WRN: variants seen among roughly 807,000 people sequenced by gnomAD.
The protein encoded by WRN is WRN RecQ like helicase, also known as bifunctional 3'-5' exonuclease/ATP-dependent helicase WRN.
WRN carries 149 observed loss-of-function variants against 180.7 expected under a neutral mutation model. The observed-to-expected ratio is 0.82, with a 90% CI of 0.72 to 0.94. The LOEUF is 0.94. Ranked by LOEUF, WRN falls within the 40% of genes least tolerant of loss-of-function variation. The pLI, the probability that WRN is intolerant of heterozygous loss-of-function variation, is 0.00. For missense variants in WRN, 1,661 were observed against 1,700.1 expected (o/e 0.98, Z 0.40); for synonymous variants, 548 against 568.9 (o/e 0.96, Z 0.52).
intron 7 of WRN, among the ~76,000 whole-genome samples, chr8:31,069,479 T>C (rs1812828437): frequency 6.6e-6 from 1 of 152,126 alleles, no homozygotes; most frequent in African/African-American, 2.4e-5. Context: ...AAAAAAAAAT[T>C]CACAGTTTTA....
rs11574414 is a variant in WRN, at chr8:31,173,645, C to G, written c.*543C>G. 1.4e-3 allele frequency: 231 copies of G among 169,562 alleles called. 2 individuals are homozygous for G. The highest frequency in any genetic ancestry group is 2.3e-3 in the Admixed American group (36 of 15,692). The allele number at this position is 169,562 out of a possible 1,614,324, so 10.5% of individuals were successfully genotyped here. On this transcript the variant is annotated 3_prime_UTR_variant, in exon 35 of 35. Transcript: ENST00000298139. Reference sequence around the variant, plus strand: ...TGGGTGCCATTAAATAGGGAAAAAACATGTAAAAAATGTAAAATGGAGACC... The same window carrying G: ...TGGGTGCCATTAAATAGGGAAAAAAGATGTAAAAAATGTAAAATGGAGACC...
intron 33 of WRN, among the ~76,000 whole-genome samples, chr8:31,159,325 TA>T (rs1450312920): frequency 1.3e-5 from 2 of 149,180 alleles, no homozygotes; most frequent in Non-Finnish European, 3.0e-5. Flanking sequence ...AAAAAAAAAG[TA>T]ACAGTAGACG....
intron 18 of WRN, among the ~76,000 whole-genome samples, chr8:31,106,408 T>C (rs1040915400): frequency 6.6e-6 from 1 of 152,158 alleles, no homozygotes; most frequent in Non-Finnish European, 1.5e-5. Context: ...AAAGTCCTTA[T>C]GATGAGTTAC....
chr8:31,088,851 T>C (rs1452524448), intron 12 of WRN, 39 bp from the exon 13 acceptor site: 10 of 1,555,310 alleles, frequency 6.4e-6, no homozygotes, highest in Non-Finnish European at 8.8e-6. Context: ...GTGGTGTTTT[T>C]CTACTTGAAC....
rs587778750 is a variant in WRN at position 31,147,410 on chromosome 8, A to G, written c.3506A>G (p.Asn1169Ser). 1 of 1,614,136 alleles carries G rather than the reference A, an allele frequency of 6.2e-7. No homozygotes were observed. Among genetic ancestry groups the G allele is most frequent in the Non-Finnish European group, 8.5e-7 (1 of 1,180,000 alleles). ...KLVEARQKHA[N>S]KMDVPPAILA... ...GTAGAAGCTAGGCAGAAACATGCCA[A>G]TAAAATGGATGTTCCCCCAGCTATT... The change falls in exon 30 of 35, where the codon AAT (asparagine) becomes AGT (serine). Residue 1169 changes from asparagine to serine, a missense_variant. By Grantham distance (46) the Asn-to-Ser change is conservative (BLOSUM62 1). Around this residue, in one of 3 missense-constraint regions of WRN, gnomAD observed 1,141 missense variants for 1,149.4 expected, o/e 0.99. Coordinates refer to ENST00000298139, the MANE Select transcript of WRN (RefSeq NM_000553.6).
In WRN at chr8:31,058,608, T is replaced by G; in HGVS notation, c.96+65T>G. ...AATTTATATTTGACTGTGCAAAGAGTCAGTTGTTACTTGTAAACTTCAAGT... is the reference window on the plus strand; with the variant it reads ...AATTTATATTTGACTGTGCAAAGAGGCAGTTGTTACTTGTAAACTTCAAGT... On this transcript the variant is annotated intron_variant, in intron 2 of 34. Coordinates refer to ENST00000298139, the MANE Select transcript of WRN (RefSeq NM_000553.6). 3 of 1,519,252 alleles carry G rather than the reference T, an allele frequency of 2.0e-6. No homozygotes were observed. The South Asian group carries it at 3.5e-5, about 18-fold the overall frequency. The allele number at this position is 1,519,252 out of a possible 1,614,324, so 94.1% of individuals were successfully genotyped here.
chr8:31,099,546 G>GT (rs1228091730), intron 17 of WRN, among the ~76,000 whole-genome samples: 27 of 143,314 alleles, frequency 1.9e-4, no homozygotes, highest in African/African-American at 2.8e-4. Flanking sequence ...TGTTTAGTAG[G>GT]TTTTTTTTTT....
At chr8:31,067,872 C>T (rs11574208) in intron 6 of WRN, among the ~76,000 whole-genome samples, 6,406 of 152,186 alleles carry the variant, frequency 0.042, 167 homozygotes, top group South Asian at 0.079. Context: ...AAACAATTCA[C>T]TTTTGTTAGG....
chr8:31,067,114 C>G lies in WRN; in HGVS notation c.586C>G (p.Arg196Gly). The change falls in exon 6 of 35, where the codon CGC becomes GGC. Residue 196 changes from arginine (R) to glycine (G), a missense_variant. Physicochemically the swap from Arg to Gly is moderately radical, Grantham distance 125 (BLOSUM62 -2). Around this residue, in one of 3 missense-constraint regions of WRN, gnomAD observed 500 missense variants for 504.1 expected, o/e 0.99. Transcript: ENST00000298139. The part of the protein sequence containing the change: ...GKQLLKDKSI[R>G]CSNWSKFPLT... ...ACAGCTCCTGAAAGACAAGTCTATC[C>G]GCTGTAGCAATTGGAGTAAATTTCC... 2 of 1,613,876 alleles carry G rather than the reference C, an allele frequency of 1.2e-6. No individual in the cohort carries two copies. Among genetic ancestry groups the G allele is most frequent in the Non-Finnish European group, 1.7e-6 (2 of 1,179,938 alleles).
In WRN at chr8:31,065,001, C is replaced by T. The variant is rs767673195; in HGVS notation, c.442C>T (p.Leu148=). ...VGIEGDQWKL[L]RDFDIKLKNF... ...AATTGAAGGAGATCAGTGGAAACTT[C>T]TACGTGACTTTGATATCAAATTGAA... Residue 148 remains leucine (L), a synonymous_variant, in exon 5 of 35, where the codon CTA becomes TTA. Coordinates refer to ENST00000298139, the MANE Select transcript of WRN (RefSeq NM_000553.6). 1 of 1,613,632 alleles carries T rather than the reference C, an allele frequency of 6.2e-7. No individual in the cohort carries two copies.
Position 31,154,721 on chromosome 8 carries a change from C to A in WRN, c.3785C>A (p.Thr1262Lys). 6.2e-7 allele frequency: 1 copy of A among 1,613,550 alleles called. No homozygotes were observed. Among genetic ancestry groups the A allele is most frequent in the Non-Finnish European group, 8.5e-7 (1 of 1,179,698 alleles). Reference sequence around the variant, plus strand: ...ACACTTTCACAGTCTATGGCCATCACATACTCTTTATTCCAAGAAAAGAAG... The same window carrying A: ...ACACTTTCACAGTCTATGGCCATCAAATACTCTTTATTCCAAGAAAAGAAG... ...ICTLSQSMAI[T>K]YSLFQEKKMP... Residue 1262 changes from threonine (T) to lysine (K), a missense_variant, in exon 32 of 35, where the codon ACA (threonine) becomes AAA (lysine). This residue lies in a region of WRN where 1,141 missense variants were observed against 1,149.4 expected (regional missense o/e 0.99). Coordinates refer to ENST00000298139, the MANE Select transcript of WRN (RefSeq NM_000553.6).
chr8:31,168,620 G>C (rs1433791586), intron 34 of WRN, among the ~76,000 whole-genome samples: 8 of 143,664 alleles, frequency 5.6e-5, no homozygotes, highest in Non-Finnish European at 9.3e-5. Context: ...GGGTGTTGGG[G>C]CTGGGAAGTA....
At chr8:31,164,278 T>C (rs1563391698) in intron 33 of WRN, among the ~76,000 whole-genome samples, 1 of 152,214 alleles carries the variant, frequency 6.6e-6, no homozygotes, top group African/African-American at 2.4e-5. Flanking sequence ...GGATTATAAA[T>C]GATATAACAA....
chr8:31,133,522 C>G (rs1416986595), intron 24 of WRN, among the ~76,000 whole-genome samples: 2 of 149,226 alleles, frequency 1.3e-5, no homozygotes, highest in African/African-American at 5.0e-5. Flanking sequence ...AAGATTCTGT[C>G]TCAATAAAAA....
In WRN at chr8:31,081,014, A is replaced by T. The variant is rs1189180059; in HGVS notation, c.987A>T (p.Gln329His). 10 of 1,614,078 alleles carry T rather than the reference A, an allele frequency of 6.2e-6. No homozygotes were observed. The highest frequency in any genetic ancestry group is 8.5e-6 in the Non-Finnish European group (10 of 1,179,970). The change falls in exon 9 of 35, where the codon CAA (glutamine) becomes CAT (histidine). Residue 329 changes from glutamine (Q) to histidine (H), a missense_variant. Gln to His is a conservative substitution (Grantham distance 24, BLOSUM62 0). This residue lies in a region of WRN where 500 missense variants were observed against 504.1 expected (regional missense o/e 0.99). Coordinates refer to ENST00000298139, the MANE Select transcript of WRN (RefSeq NM_000553.6). Reference sequence around the variant, plus strand: ...AAGATTCAACTACTGGGGGAGTACAACAGAAACAAATTAGAGAACATGAAG... The same window carrying T: ...AAGATTCAACTACTGGGGGAGTACATCAGAAACAAATTAGAGAACATGAAG... ...SFEDSTTGGVQQKQIREHEVL... is the reference protein window; with the variant it reads ...SFEDSTTGGVHQKQIREHEVL...
intron 3 of WRN, among the ~76,000 whole-genome samples, chr8:31,063,253 T>C (rs1278452388): frequency 6.6e-6 from 1 of 152,226 alleles, no homozygotes; most frequent in Non-Finnish European, 1.5e-5. Context: ...TAACTTGTCT[T>C]TTTTACTCAA....
Position 31,065,075 on chromosome 8 carries a change from A to G in WRN, c.504+12A>G, listed in dbSNP as rs1187995338. Reference sequence around the variant, plus strand: ...TTGCCAATAAAAAGGTAAAAGCAATATATATATAATTTTCATGATGAAGAT... The same window carrying G: ...TTGCCAATAAAAAGGTAAAAGCAATGTATATATAATTTTCATGATGAAGAT... On this transcript the variant is annotated intron_variant, in intron 5 of 34. Coordinates refer to ENST00000298139, the MANE Select transcript of WRN (RefSeq NM_000553.6). 1.9e-6 allele frequency: 3 copies of G among 1,606,890 alleles called. No individual in the cohort carries two copies. The highest frequency in any genetic ancestry group is 2.6e-6 in the Non-Finnish European group (3 of 1,175,710).
At chr8:31,090,778 T>C in intron 14 of WRN, 56 bp from the exon 15 acceptor site, 1 of 1,391,780 alleles carries the variant, frequency 7.2e-7, no homozygotes. Context: ...GCATCAAAGG[T>C]TTATTTTTAT....
intron 21 of WRN, among the ~76,000 whole-genome samples, chr8:31,122,243 A>T (rs1801751948): frequency 6.6e-6 from 1 of 152,006 alleles, no homozygotes; most frequent in African/African-American, 2.4e-5. Context: ...ATTAATCAGG[A>T]TAAAAAAGAA....
Sources: allele counts gnomAD v4.1 joint callset (sites outside exome capture counted in the v4.1 genomes callset), GRCh38; gene constraint gnomAD v4.1.1; regional missense constraint gnomAD v4.1.1; transcripts MANE v1.5; gene names NCBI Gene and HGNC (gene_info 2026-07-23, HGNC 2026-07-21).